Variants in CNTNAP2 observed in about 807,000 individuals in gnomAD.
CNTNAP2 encodes contactin associated protein 2, also known as contactin-associated protein-like 2.
A neutral mutation model predicts 155.2 loss-of-function variants in CNTNAP2; 98 were observed. That is an observed-to-expected ratio of 0.63 (90% CI 0.54 to 0.75). The LOEUF is 0.75. Among genes scored for constraint, CNTNAP2 ranks in the 30% least tolerant of loss-of-function variants. The pLI, the probability that CNTNAP2 is intolerant of heterozygous loss-of-function variation, is 0.00. For missense variants in CNTNAP2, 1,727 were observed against 1,688.1 expected, an observed-to-expected ratio of 1.02 and a Z score of -0.40; for synonymous variants, 651 against 631.2, an observed-to-expected ratio of 1.03 and a Z score of -0.47.
At chr7:148,366,374 G>T (rs1240807415) in intron 21 of CNTNAP2, among the ~76,000 whole-genome samples, 1 of 151,834 alleles carries the variant, frequency 6.6e-6, no homozygotes, top group African/African-American at 2.4e-5. Flanking sequence ...ATTAAATTAT[G>T]TAGTCCTTGA....
chr7:147,357,500 G>A (rs1317828194), intron 9 of CNTNAP2, among the ~76,000 whole-genome samples: 1 of 152,050 alleles, frequency 6.6e-6, no homozygotes, highest in African/African-American at 2.4e-5. Context: ...AGCAGCAGTC[G>A]GTACTGAAAT....
chr7:147,560,212 C>CTAT (rs1420383703), intron 11 of CNTNAP2, among the ~76,000 whole-genome samples: 1 of 137,010 alleles, frequency 7.3e-6, no homozygotes, highest in East Asian at 2.4e-4. Flanking sequence ...CCTATTTACT[C>CTAT]TATTCTTTGT....
intron 2 of CNTNAP2, among the ~76,000 whole-genome samples, chr7:146,821,974 A>G (rs1259084052): frequency 6.6e-6 from 1 of 151,970 alleles, no homozygotes; most frequent in Non-Finnish European, 1.5e-5. Flanking sequence ...ATTACTGGGT[A>G]TATACCCAAA....
chr7:146,451,153 A>G (rs1374281904), intron 1 of CNTNAP2, among the ~76,000 whole-genome samples: 2 of 152,082 alleles, frequency 1.3e-5, no homozygotes, highest in South Asian at 2.1e-4. Context: ...TCACCGTGTT[A>G]GCCATGACGG....
intron 1 of CNTNAP2, among the ~76,000 whole-genome samples, chr7:146,181,859 C>T (rs926787667): frequency 1.3e-5 from 2 of 152,138 alleles, no homozygotes; most frequent in Non-Finnish European, 2.9e-5. Context: ...CACATATTTA[C>T]ACAAGTAGAG....
chr7:147,518,734 CT>C (rs1799176526), intron 11 of CNTNAP2, among the ~76,000 whole-genome samples: 1 of 152,002 alleles, frequency 6.6e-6, no homozygotes, highest in African/African-American at 2.4e-5. Context: ...GAAAAGAGAC[CT>C]TATAAAAAAT....
intron 3 of CNTNAP2, among the ~76,000 whole-genome samples, chr7:146,867,336 C>T (rs1291075471): frequency 6.6e-6 from 1 of 152,086 alleles, no homozygotes; most frequent in Non-Finnish European, 1.5e-5. Flanking sequence ...CATGTTCCTG[C>T]AAAAGACATG....
chr7:146,592,710 C>CA (rs1798801341), intron 1 of CNTNAP2, among the ~76,000 whole-genome samples: 2 of 152,078 alleles, frequency 1.3e-5, no homozygotes, highest in Admixed American at 1.3e-4. Context: ...CCATTCAAGG[C>CA]AAAAATATCC....
At chr7:147,758,525 T>C (rs1370940305) in intron 13 of CNTNAP2, among the ~76,000 whole-genome samples, 1 of 152,176 alleles carries the variant, frequency 6.6e-6, no homozygotes, top group Non-Finnish European at 1.5e-5. Flanking sequence ...TAAGGATCCT[T>C]GACCTTGGTT....
intron 17 of CNTNAP2, among the ~76,000 whole-genome samples, chr7:148,149,107 T>G (rs1004779690): frequency 6.6e-6 from 1 of 152,200 alleles, no homozygotes; most frequent in Non-Finnish European, 1.5e-5. Flanking sequence ...GTAGATTCTA[T>G]CTGGTTTTCA....
rs36231370 is a variant in CNTNAP2, at chr7:146,885,928, GGTGTGTGTGTGTGTGT to G, written c.402+46055_402+46070del. Among the ~76,000 whole-genome samples, 31 of 141,942 alleles carry G rather than the reference GGTGTGTGTGTGTGTGT, an allele frequency of 2.2e-4. 1 individual carries two copies. Among genetic ancestry groups the G allele is most frequent in the Middle Eastern group, 7.3e-3 (2 of 274 alleles). 93.1% of individuals were successfully genotyped at this position (141,942 alleles called of 152,430 possible). Reference sequence around the variant, plus strand: ...CTTTAACTCTGAATATATGTAAGTCGGTGTGTGTGTGTGTGTGTGTGTGTGTGTGTGTGTGTGTGTG... The same window carrying G: ...CTTTAACTCTGAATATATGTAAGTCGGTGTGTGTGTGTGTGTGTGTGTGTG... On this transcript the variant is annotated intron_variant, in intron 3 of 23. Coordinates refer to ENST00000361727, the MANE Select transcript of CNTNAP2 (RefSeq NM_014141.6).
At chr7:147,470,101 T>C (rs1274785017) in intron 10 of CNTNAP2, among the ~76,000 whole-genome samples, 4 of 152,096 alleles carry the variant, frequency 2.6e-5, no homozygotes, top group South Asian at 2.1e-4. Context: ...GTAAGCTTTC[T>C]TTTACTCAGG....
chr7:146,704,002 T>C (rs1394710052), intron 1 of CNTNAP2, among the ~76,000 whole-genome samples: 3 of 152,192 alleles, frequency 2.0e-5, no homozygotes, highest in Non-Finnish European at 4.4e-5. Flanking sequence ...GGGAGACTTT[T>C]ATAGGTCATA....
At chr7:147,560,224 A>G (rs1033484538) in intron 11 of CNTNAP2, among the ~76,000 whole-genome samples, 9 of 148,650 alleles carry the variant, frequency 6.1e-5, no homozygotes, top group Non-Finnish European at 1.3e-4. Context: ...ATTCTTTGTC[A>G]TATTGCTTTA....
At chr7:147,609,686 TG>T (rs1398075234) in intron 12 of CNTNAP2, among the ~76,000 whole-genome samples, 1 of 151,994 alleles carries the variant, frequency 6.6e-6, no homozygotes, top group East Asian at 1.9e-4. Flanking sequence ...CTTTATCCTC[TG>T]AGGGTTTGAT....
At position 148,032,431 on chromosome 7, in the gene CNTNAP2, G is replaced by A. The variant is rs1162286908; in HGVS notation, c.2383+54442G>A. On this transcript the variant is annotated intron_variant, in intron 15 of 23. Transcript: ENST00000361727. ...AGTACAAGGGCAAGAGACAGAGAGGGTAGGAGTCAGACCGAAGGAGCTACC... is the reference window on the plus strand; with the variant it reads ...AGTACAAGGGCAAGAGACAGAGAGGATAGGAGTCAGACCGAAGGAGCTACC... 3.9e-5 allele frequency among the ~76,000 whole-genome samples: 6 copies of A among 152,170 alleles called. No homozygotes were observed. In the South Asian group the frequency reaches 8.3e-4, roughly 21 times the overall value.
intron 2 of CNTNAP2, among the ~76,000 whole-genome samples, chr7:146,786,178 C>G (rs1353090650): frequency 2.0e-5 from 3 of 152,144 alleles, no homozygotes; most frequent in Admixed American, 6.5e-5. Flanking sequence ...AAATGAGTGA[C>G]TGTATTTTTC....
intron 4 of CNTNAP2, among the ~76,000 whole-genome samples, chr7:147,061,784 AAC>A (rs1163321488): frequency 6.6e-6 from 1 of 152,186 alleles, no homozygotes; most frequent in Non-Finnish European, 1.5e-5. Flanking sequence ...AAAACAAAAA[AAC>A]ACTAGCTGAA....
At chr7:147,080,516 T>C (rs547352188) in intron 4 of CNTNAP2, among the ~76,000 whole-genome samples, 2 of 151,860 alleles carry the variant, frequency 1.3e-5, no homozygotes, top group African/African-American at 4.8e-5. Flanking sequence ...TAGTTTCATG[T>C]AGTCAACAAA....
Sources: allele counts gnomAD v4.1 joint callset (sites outside exome capture counted in the v4.1 genomes callset), GRCh38; gene constraint gnomAD v4.1.1; transcripts MANE v1.5; gene names NCBI Gene and HGNC (gene_info 2026-07-23, HGNC 2026-07-21).